Variants in KIF16B observed in about 807,000 individuals in gnomAD.
KIF16B encodes the protein kinesin family member 16B.
KIF16B carries 98 observed loss-of-function variants against 156.3 expected under a neutral mutation model. That is an observed-to-expected ratio of 0.63 (90% CI 0.53 to 0.74). KIF16B has a LOEUF of 0.74. KIF16B is among the 30% of genes least tolerant of loss of function. The probability of loss-of-function intolerance (pLI) is 0.00; values close to 1 mark genes in which losing one functional copy is unlikely to be tolerated. For missense variants in KIF16B, 1,421 were observed against 1,606.5 expected (o/e 0.88, Z 1.97); for synonymous variants, 564 against 583.7 (o/e 0.97, Z 0.49).
chr20:16,410,814 C>G (rs1477499648), intron 15 of KIF16B, among the ~76,000 whole-genome samples: 6 of 151,692 alleles, frequency 4.0e-5, no homozygotes, highest in Admixed American at 3.3e-4. Flanking sequence ...AGGATGCAAG[C>G]TTTTGCTTAT....
At chr20:16,561,611 G>GA (rs150105938) in intron 1 of KIF16B, among the ~76,000 whole-genome samples, 41 of 148,352 alleles carry the variant, frequency 2.8e-4, no homozygotes, top group Middle Eastern at 3.5e-3. Flanking sequence ...TTACAAACAG[G>GA]AAAAAAAAAA....
At chr20:16,546,485 C>T (rs1467919163) in intron 1 of KIF16B, among the ~76,000 whole-genome samples, 3 of 152,152 alleles carry the variant, frequency 2.0e-5, no homozygotes, top group African/African-American at 7.2e-5. Flanking sequence ...TGGACAAAAC[C>T]AACAAAATGA....
At chr20:16,363,238 G>A (rs1054373435) in intron 22 of KIF16B, among the ~76,000 whole-genome samples, 16 of 152,270 alleles carry the variant, frequency 1.1e-4, no homozygotes, top group African/African-American at 2.9e-4. Context: ...CAATAAGGGA[G>A]ATTACGGAAA....
intron 15 of KIF16B, among the ~76,000 whole-genome samples, chr20:16,419,808 T>C (rs1376897156): frequency 6.6e-6 from 1 of 152,138 alleles, no homozygotes; most frequent in Non-Finnish European, 1.5e-5. Context: ...AATGCTGAAA[T>C]ACTGTTTCAA....
chr20:16,298,801 A>G (rs2063428505), intron 25 of KIF16B, among the ~76,000 whole-genome samples: 1 of 152,206 alleles, frequency 6.6e-6, no homozygotes, highest in East Asian at 1.9e-4. Flanking sequence ...GCAGGGTTAG[A>G]GGAGCACGGT....
rs374465810 is a variant in KIF16B, at chr20:16,379,026, C to A, written c.2976G>T (p.Glu992Asp). 4 of 1,611,536 alleles carry A rather than the reference C, an allele frequency of 2.5e-6. No individual in the cohort carries two copies. The highest frequency in any genetic ancestry group is 2.7e-5 in the African/African-American group (2 of 74,822). Reference protein sequence around the residue: ...QEEKVRKKEKEILESREKQQR... With the variant: ...QEEKVRKKEKDILESREKQQR... ...GCTGCTTCTCTCTGGACTCCAAAAT[C>A]TCCTTTTCCTTTTTCCTCACTTTTT... The change falls in exon 19 of 26, where the codon GAG becomes GAT. Residue 992 changes from glutamate to aspartate, a missense_variant. By Grantham distance (45) the Glu-to-Asp change is conservative. Coordinates refer to ENST00000354981, the MANE Select transcript of KIF16B (RefSeq NM_024704.5).
chr20:16,505,656 CTTAAATAT>C (rs1331598348), intron 9 of KIF16B, 58 bp downstream of exon 9: 1 of 1,442,928 alleles, frequency 6.9e-7, no homozygotes, highest in Non-Finnish European at 9.6e-7. Flanking sequence ...ACACTTTAAA[CTTAAATAT>C]TTACAGTTAA....
chr20:16,519,454 T>C (rs916582016), intron 3 of KIF16B, among the ~76,000 whole-genome samples: 5 of 152,182 alleles, frequency 3.3e-5, no homozygotes, highest in Admixed American at 1.3e-4. Flanking sequence ...CTTCTGGATA[T>C]AGTCGCTCCA....
Position 16,508,040 on chromosome 20 carries a change from T to C in KIF16B, c.617A>G (p.Asn206Ser), listed in dbSNP as rs760097544. 11 of 1,614,046 alleles carry C rather than the reference T, an allele frequency of 6.8e-6. No homozygotes were observed. The highest frequency in any genetic ancestry group is 6.7e-5 in the African/African-American group (5 of 74,934). ...GDVEELMDAG[N>S]INRTTAATGM... ...AGTCGCTGCGGTGGTCCGGTTGATA[T>C]TGCCCGCATCCATAAGTTCTTCTAC... The change falls in exon 7 of 26, where the codon AAT becomes AGT. Residue 206 changes from asparagine (N) to serine (S), a missense_variant. Coordinates refer to ENST00000354981, the MANE Select transcript of KIF16B (RefSeq NM_024704.5).
At chr20:16,402,761 G>A (rs1266382033) in intron 17 of KIF16B, among the ~76,000 whole-genome samples, 3 of 152,192 alleles carry the variant, frequency 2.0e-5, no homozygotes, top group Non-Finnish European at 2.9e-5. Context: ...TGGACAGCCC[G>A]AGTGACATGG....
chr20:16,380,254 C>G, intron 18 of KIF16B, 91 bp from the exon 19 acceptor site: 1 of 1,179,880 alleles, frequency 8.5e-7, no homozygotes, highest in African/African-American at 1.6e-5. Context: ...GCACATACAA[C>G]CAGGTCAAAG....
intron 25 of KIF16B, among the ~76,000 whole-genome samples, chr20:16,290,470 TGAATA>T (rs961453612): frequency 1.1e-4 from 16 of 152,246 alleles, no homozygotes; most frequent in Non-Finnish European, 1.9e-4. Context: ...GCGGGCTGTC[TGAATA>T]ATACTGAGTC....
intron 12 of KIF16B, 46 bp downstream of exon 12, chr20:16,494,245 G>C (rs763760458): frequency 2.5e-5 from 29 of 1,140,618 alleles, no homozygotes; most frequent in Non-Finnish European, 3.4e-5. Context: ...AGTTTTACCA[G>C]TTTAATCCAC....
chr20:16,331,068 G>T (rs1468934523), intron 24 of KIF16B, among the ~76,000 whole-genome samples: 1 of 152,214 alleles, frequency 6.6e-6, no homozygotes, highest in Non-Finnish European at 1.5e-5. Flanking sequence ...CCTTCCCAGG[G>T]AAACTGACGC....
At chr20:16,472,606 G>C (rs1227400953) in intron 12 of KIF16B, among the ~76,000 whole-genome samples, 1 of 145,724 alleles carries the variant, frequency 6.9e-6, no homozygotes, top group Non-Finnish European at 1.5e-5. Context: ...TTCAGGAACA[G>C]AGAGACTCCC....
chr20:16,371,975 A>C (rs1031346123), intron 20 of KIF16B, among the ~76,000 whole-genome samples: 1 of 152,216 alleles, frequency 6.6e-6, no homozygotes, highest in Non-Finnish European at 1.5e-5. Flanking sequence ...GGTAGAACTG[A>C]ACAAGTAATA....
At chr20:16,439,187 A>C (rs1278212655) in intron 12 of KIF16B, among the ~76,000 whole-genome samples, 1 of 152,080 alleles carries the variant, frequency 6.6e-6, no homozygotes, top group Non-Finnish European at 1.5e-5. Context: ...ATATGGTCAG[A>C]ATCATCCACA....
At chr20:16,516,252 G>A (rs930600396) in intron 3 of KIF16B, among the ~76,000 whole-genome samples, 1 of 152,148 alleles carries the variant, frequency 6.6e-6, no homozygotes. Flanking sequence ...ATTTGCCCAG[G>A]ATGGAGAGGG....
chr20:16,564,185 A>G (rs914516033), intron 1 of KIF16B, among the ~76,000 whole-genome samples: 2 of 152,200 alleles, frequency 1.3e-5, no homozygotes, highest in Non-Finnish European at 2.9e-5. Context: ...AAGTTTCAAA[A>G]GATTACAGGA....
Sources: gnomAD v4.1 joint callset for allele counts (sites outside exome capture counted in the v4.1 genomes callset) on GRCh38, gnomAD v4.1.1 for gene constraint, MANE v1.5 for transcripts, NCBI Gene and HGNC (gene_info 2026-07-23, HGNC 2026-07-21) for gene names.